Variants in POLK observed in about 807,000 individuals in gnomAD.
POLK encodes the protein polymerase (DNA directed) kappa.
Under a neutral mutation model 94.0 loss-of-function variants are expected in POLK, and 76 were observed. The observed-to-expected ratio is 0.81, with a 90% CI of 0.67 to 0.98. The LOEUF (loss-of-function observed/expected upper bound fraction) is 0.98, where lower values mean the gene tolerates loss of function less well. POLK is among the 50% of genes least tolerant of loss of function. The probability of loss-of-function intolerance (pLI) is 0.00; values close to 1 mark genes in which losing one functional copy is unlikely to be tolerated. For synonymous variants in POLK, 349 were observed against 325.4 expected (o/e 1.07, Z -0.78); for missense variants, 954 against 1,010.1 (o/e 0.94, Z 0.75).
chr5:75,555,565 G>C (rs1206322683), intron 3 of POLK, among the ~76,000 whole-genome samples: 1 of 104,026 alleles, frequency 9.6e-6, no homozygotes, highest in Non-Finnish European at 2.1e-5. Context: ...TTTTTTTTTT[G>C]AGATGGAGTC....
intron 1 of POLK, among the ~76,000 whole-genome samples, chr5:75,542,571 A>G (rs1393598351): frequency 6.6e-6 from 1 of 151,428 alleles, no homozygotes; most frequent in Non-Finnish European, 1.5e-5. Context: ...TTTGCCTTAT[A>G]TGTGTGGGTA....
At chr5:75,517,088 G>A (rs973852921) in intron 1 of POLK, among the ~76,000 whole-genome samples, 1 of 152,130 alleles carries the variant, frequency 6.6e-6, no homozygotes, top group African/African-American at 2.4e-5. Context: ...GATGCCCCAA[G>A]CTTTGTTCTT....
chr5:75,574,519 T>A (rs1258397195), intron 5 of POLK, among the ~76,000 whole-genome samples: 1 of 152,198 alleles, frequency 6.6e-6, no homozygotes, highest in Non-Finnish European at 1.5e-5. Flanking sequence ...TGAATTAAAA[T>A]TTTAGACTAC....
chr5:75,597,365 G>A, intron 13 of POLK, 187 bp downstream of exon 13: 1 of 526,004 alleles, frequency 1.9e-6, no homozygotes, highest in South Asian at 2.9e-5. Flanking sequence ...TGTGAATTTG[G>A]GGAAAACTTT....
intron 1 of POLK, among the ~76,000 whole-genome samples, chr5:75,538,932 A>C (rs1020181275): frequency 1.3e-5 from 2 of 151,992 alleles, no homozygotes; most frequent in African/African-American, 4.8e-5. Context: ...CACCATGCCC[A>C]GCCAATTTTT....
At chr5:75,605,429 G>GA (rs374265357), downstream of POLK, among the ~76,000 whole-genome samples, 3 of 151,666 alleles carry the variant, frequency 2.0e-5, no homozygotes, top group Non-Finnish European at 2.9e-5. Flanking sequence ...AGACAAAAAG[G>GA]AAAAAAAAGT....
exon 13 of POLK, chr5:75,596,408 G>A (rs200975008): frequency 1.7e-5 from 28 of 1,613,644 alleles, no homozygotes; most frequent in East Asian, 6.7e-5. Context: ...GATAAAAAAC[G>A]ATCAGAAAGG....
intron 5 of POLK, among the ~76,000 whole-genome samples, chr5:75,574,342 G>A (rs924671791): frequency 2.0e-5 from 3 of 152,030 alleles, no homozygotes; most frequent in Non-Finnish European, 2.9e-5. Flanking sequence ...ATCATTTGCT[G>A]TCTAAGAGAC....
chr5:75,588,857 G>A (rs5744689), intron 10 of POLK, among the ~76,000 whole-genome samples: 2,711 of 152,230 alleles, frequency 0.018, 69 homozygotes, highest in African/African-American at 0.06. Context: ...TTGGGATTAC[G>A]TTGGGCACAG....
intron 7 of POLK, 37 bp downstream of exon 7, chr5:75,581,485 A>AT: frequency 6.4e-7 from 1 of 1,567,054 alleles, no homozygotes. Context: ...TGTAGTTATA[A>AT]TTTTCAGACT....
the POLK span, among the ~76,000 whole-genome samples, chr5:75,608,148 A>G: frequency 6.6e-6 from 1 of 152,144 alleles, no homozygotes; most frequent in African/African-American, 2.4e-5. Context: ...TACTTATTGC[A>G]GGTCGGGTAC....
rs570786872 is a variant in POLK, at chr5:75,586,932, A to G, written c.1227-94A>G. ...TATAAATTTTAATAAAAAATTTGAG[A>G]GCTCTAAAAGGTAATTGATAATGTT... is the stretch of plus-strand genomic sequence containing the variant. On this transcript the variant is annotated intron_variant, in intron 9 of 14. Transcript: ENST00000241436. 6 of 800,550 alleles carry G rather than the reference A, an allele frequency of 7.5e-6. No individual in the cohort carries two copies. The African/African-American group carries it at 8.9e-5, about 12-fold the overall frequency. The allele number at this position is 800,550 out of a possible 1,614,324, so 49.6% of individuals were successfully genotyped here. A position where few individuals can be genotyped will look rare whatever the true frequency, so the allele number is the denominator to read the frequency against.
chr5:75,542,624 T>C (rs919914607), intron 1 of POLK, among the ~76,000 whole-genome samples: 4 of 149,602 alleles, frequency 2.7e-5, no homozygotes, highest in African/African-American at 9.8e-5. Flanking sequence ...CACATATATA[T>C]ACACATATAT....
At chr5:75,594,040 A>G in exon 12 of POLK, 1 of 1,599,424 alleles carries the variant, frequency 6.3e-7, no homozygotes, top group Non-Finnish European at 8.5e-7. Context: ...CTTGAGATTA[A>G]GGCTTATGGG....
At chr5:75,579,691 C>T (rs1370474486) in intron 6 of POLK, among the ~76,000 whole-genome samples, 1 of 151,748 alleles carries the variant, frequency 6.6e-6, no homozygotes, top group Non-Finnish European at 1.5e-5. Context: ...CATTTTAAAA[C>T]CAGCATATTA....
intron 1 of POLK, among the ~76,000 whole-genome samples, chr5:75,527,577 ATGTGTG>A (rs888502618): frequency 6.7e-6 from 1 of 149,886 alleles, no homozygotes; most frequent in African/African-American, 2.5e-5. Context: ...ATACATGTGT[ATGTGTG>A]TGTGTATATA....
At chr5:75,605,366 T>C (rs1457028972), downstream of POLK, among the ~76,000 whole-genome samples, 3 of 152,168 alleles carry the variant, frequency 2.0e-5, no homozygotes, top group East Asian at 5.8e-4. Flanking sequence ...ATATCACTCA[T>C]GGTCTTGGGT....
At chr5:75,511,912 C>G in exon 1 of POLK, 4 of 1,281,056 alleles carry the variant, frequency 3.1e-6, no homozygotes, top group Non-Finnish European at 4.3e-6. Context: ...CCTGAGGTAA[C>G]GGGTGAGTAT....
exon 3 of POLK, chr5:75,552,504 A>G: frequency 1.2e-6 from 2 of 1,612,776 alleles, no homozygotes; most frequent in South Asian, 1.1e-5. Flanking sequence ...AGCTCAAGAA[A>G]GAAAAGCAAG....
Sources: allele counts gnomAD v4.1 joint callset (sites outside exome capture counted in the v4.1 genomes callset), GRCh38; gene constraint gnomAD v4.1.1; transcripts MANE v1.5; gene names NCBI Gene and HGNC (gene_info 2026-07-23, HGNC 2026-07-21).